Variants in KAZN observed in about 807,000 individuals in gnomAD.
KAZN encodes kazrin, periplakin interacting protein, also known as kazrin.
A neutral mutation model predicts 87.4 loss-of-function variants in KAZN; 40 were observed. That is an observed-to-expected ratio of 0.46 (90% CI 0.36 to 0.60). The LOEUF (loss-of-function observed/expected upper bound fraction) is 0.60. Among genes scored for constraint, KAZN ranks in the 20% least tolerant of loss-of-function variants. The pLI is 0.00. For missense variants in KAZN, 898 were observed against 1,073.9 expected (o/e 0.84, Z 2.29); for synonymous variants, 466 against 458.3 (o/e 1.02, Z -0.22).
At chr1:13,942,267 G>A (rs971752863) in intron 1 of KAZN, among the ~76,000 whole-genome samples, 1 of 151,928 alleles carries the variant, frequency 6.6e-6, no homozygotes, top group Non-Finnish European at 1.5e-5. Context: ...CCGGCCAGGC[G>A]CGGTGGCTCA....
intron 2 of KAZN, among the ~76,000 whole-genome samples, chr1:14,341,752 C>T (rs540340841): frequency 1.2e-4 from 19 of 152,338 alleles, no homozygotes; most frequent in Admixed American, 2.6e-4. Context: ...CATGTCCTGC[C>T]TCAGTCTGCT....
intron 2 of KAZN, among the ~76,000 whole-genome samples, chr1:14,530,487 G>A (rs925939252): frequency 6.6e-6 from 1 of 152,162 alleles, no homozygotes. Flanking sequence ...GTTGGAGGTG[G>A]GGCCTGGTGG....
intron 2 of KAZN, among the ~76,000 whole-genome samples, chr1:14,466,837 C>A (rs188774147): frequency 6.6e-6 from 1 of 152,026 alleles, no homozygotes; most frequent in South Asian, 2.1e-4. Context: ...GTTGTGGTGG[C>A]GGGCGCCTGT....
chr1:14,715,848 C>T (rs905277792), intron 1 of KAZN, among the ~76,000 whole-genome samples: 4 of 152,154 alleles, frequency 2.6e-5, no homozygotes, highest in Non-Finnish European at 2.9e-5. Flanking sequence ...ATCACAGAGA[C>T]GCAGGCCGCG....
chr1:14,214,989 A>G (rs958290960), intron 2 of KAZN, among the ~76,000 whole-genome samples: 1 of 152,258 alleles, frequency 6.6e-6, no homozygotes, highest in African/African-American at 2.4e-5. Flanking sequence ...AAAATTAAAA[A>G]TAGCTTTAGG....
chr1:14,986,190 A>C (rs749547944), intron 2 of KAZN, among the ~76,000 whole-genome samples: 1 of 152,042 alleles, frequency 6.6e-6, no homozygotes, highest in Non-Finnish European at 1.5e-5. Flanking sequence ...AGAAGCTTGC[A>C]TATGGACCTG....
chr1:14,061,155 G>A (rs1173677980), intron 1 of KAZN, among the ~76,000 whole-genome samples: 3 of 152,188 alleles, frequency 2.0e-5, no homozygotes, highest in Non-Finnish European at 2.9e-5. Flanking sequence ...CAAAGGATAA[G>A]ACTACAGGCA....
At chr1:14,669,710 G>C (rs967899072) in intron 1 of KAZN, among the ~76,000 whole-genome samples, 1 of 152,158 alleles carries the variant, frequency 6.6e-6, no homozygotes, top group African/African-American at 2.4e-5. Context: ...TCGTGTCATT[G>C]CATTCCAGCC....
intron 1 of KAZN, among the ~76,000 whole-genome samples, chr1:14,930,650 G>C (rs1659707881): frequency 6.6e-6 from 1 of 152,216 alleles, no homozygotes. Context: ...CTTGGGAGAG[G>C]TTACACCGGC....
At chr1:14,325,082 C>T (rs2100851081) in intron 2 of KAZN, among the ~76,000 whole-genome samples, 1 of 152,276 alleles carries the variant, frequency 6.6e-6, no homozygotes, top group South Asian at 2.1e-4. Context: ...CTTGCAAAGC[C>T]ATCTTAATGT....
intron 1 of KAZN, among the ~76,000 whole-genome samples, chr1:13,931,824 C>T (rs74368985): frequency 0.016 from 2,494 of 152,140 alleles, 63 homozygotes; most frequent in African/African-American, 0.055. Context: ...TATAAGACAC[C>T]TTACAAAGGT....
chr1:14,161,866 G>A (rs55873491), intron 1 of KAZN, among the ~76,000 whole-genome samples: 26,478 of 152,088 alleles, frequency 0.17, 2,886 homozygotes, highest in East Asian at 0.32. Flanking sequence ...TTCCTTAAAT[G>A]TTGTTTTGTG....
In KAZN at chr1:14,695,510, C is replaced by CTTTTTTTTTT. The variant is rs112667110; in HGVS notation, c.226+96293_226+96302dup. 1.2e-3 allele frequency among the ~76,000 whole-genome samples: 98 copies of CTTTTTTTTTT among 85,034 alleles called. 11 individuals are homozygous for CTTTTTTTTTT. Among genetic ancestry groups the CTTTTTTTTTT allele is most frequent in the Middle Eastern group, 8.2e-3 (1 of 122 alleles). The allele number at this position is 85,034 out of a possible 152,430, so 55.8% of individuals were successfully genotyped here. A position where few individuals can be genotyped will look rare whatever the true frequency, so the allele number is the denominator to read the frequency against. On this transcript the variant is annotated intron_variant, in intron 1 of 14. Transcript: ENST00000376030. ...CCTCTTTCCCCAGACTACATTCCAT[C>CTTTTTTTTTT]TTTTTTTTTTTTTTTGATGGAGTCT...
At chr1:14,656,569 A>T (rs1464453790) in intron 1 of KAZN, among the ~76,000 whole-genome samples, 1 of 152,242 alleles carries the variant, frequency 6.6e-6, no homozygotes, top group African/African-American at 2.4e-5. Flanking sequence ...AAGAGGTTTA[A>T]TTGACTCACA....
rs138056032 is a variant in KAZN at position 14,689,376 on chromosome 1, T to C, written c.226+90153T>C. Among the ~76,000 whole-genome samples the C allele has an allele frequency of 2.5e-3, 379 of 152,244 alleles. 2 individuals carry two copies. The highest frequency in any genetic ancestry group is 8.6e-3 in the African/African-American group (357 of 41,546). On this transcript the variant is annotated intron_variant, in intron 1 of 14. Transcript: ENST00000376030. Reference sequence around the variant, plus strand: ...CTAACAAAGGGCGTGAGGGTCTTTCTCCCATTCGCTCCTGATTGTAGAAGA... The same window carrying C: ...CTAACAAAGGGCGTGAGGGTCTTTCCCCCATTCGCTCCTGATTGTAGAAGA...
chr1:14,561,162 C>T (rs1571936988), intron 2 of KAZN, among the ~76,000 whole-genome samples: 1 of 152,212 alleles, frequency 6.6e-6, no homozygotes, highest in Admixed American at 6.5e-5. Context: ...GGATTGGCTG[C>T]CCCTGGGTCA....
intron 1 of KAZN, among the ~76,000 whole-genome samples, chr1:14,895,538 G>A (rs1655172964): frequency 6.6e-6 from 1 of 152,160 alleles, no homozygotes; most frequent in African/African-American, 2.4e-5. Flanking sequence ...GAGTGAAGGG[G>A]ACAGCCAAGA....
At chr1:14,034,851 G>T (rs898983868) in intron 1 of KAZN, among the ~76,000 whole-genome samples, 1 of 152,144 alleles carries the variant, frequency 6.6e-6, no homozygotes, top group Admixed American at 6.5e-5. Flanking sequence ...TTCTTCACTC[G>T]GTAAAGACTG....
chr1:14,495,044 TG>T (rs1669867442), intron 2 of KAZN, among the ~76,000 whole-genome samples: 2 of 152,228 alleles, frequency 1.3e-5, no homozygotes, highest in Admixed American at 6.5e-5. Context: ...CTCAGGCTAG[TG>T]GAGAAAGAGA....
Sources: allele counts gnomAD v4.1 joint callset (sites outside exome capture counted in the v4.1 genomes callset), GRCh38; gene constraint gnomAD v4.1.1; transcripts MANE v1.5; gene names NCBI Gene and HGNC (gene_info 2026-07-23, HGNC 2026-07-21).